SKIL: variants seen among roughly 807,000 people sequenced by gnomAD.
SKIL encodes SKI like proto-oncogene, also known as ski-like protein.
Under a neutral mutation model 69.6 loss-of-function variants are expected in SKIL, and 20 were observed. The observed-to-expected ratio is 0.29, with a 90% CI of 0.20 to 0.42. The LOEUF is 0.42. Among genes scored for constraint, SKIL ranks in the 10% least tolerant of loss-of-function variants. SKIL has a pLI of 1.00. For missense variants in SKIL, 745 were observed against 783.1 expected, an observed-to-expected ratio of 0.95 and a Z score of 0.58; for synonymous variants, 310 against 279.9, an observed-to-expected ratio of 1.11 and a Z score of -1.08.
intron 4 of SKIL, among the ~76,000 whole-genome samples, chr3:170,389,411 T>G (rs1737800696): frequency 6.6e-6 from 1 of 151,564 alleles, no homozygotes; most frequent in South Asian, 2.1e-4. Context: ...CCTCCCAGGT[T>G]CACGCCATTC....
At chr3:170,375,543 A>G (rs1369381396) in intron 2 of SKIL, among the ~76,000 whole-genome samples, 1 of 152,196 alleles carries the variant, frequency 6.6e-6, no homozygotes, top group Non-Finnish European at 1.5e-5. Context: ...AAACTTTGAA[A>G]TATATAAATC....
chr3:170,360,750 G>C lies in SKIL; in HGVS notation c.419G>C (p.Ser140Thr). The stretch of plus-strand genomic sequence containing the variant: ...GGCCCATTGCTCATCCCTTCAGATA[G>C]CTCCACAGAACTCACTCAGACTGTG... Reference protein sequence around the residue: ...LPGPLLIPSDSSTELTQTVLE... With the variant: ...LPGPLLIPSDTSTELTQTVLE... The change falls in exon 2 of 7, where the codon AGC becomes ACC. Residue 140 changes from serine to threonine, a missense_variant. Transcript: ENST00000259119. 1.2e-6 allele frequency: 2 copies of C among 1,614,146 alleles called. No individual in the cohort carries two copies. Among genetic ancestry groups the C allele is most frequent in the Non-Finnish European group, 8.5e-7 (1 of 1,180,012 alleles).
In SKIL at chr3:170,360,907, A is replaced by G; in HGVS notation, c.576A>G (p.Ile192Met). 6.2e-7 allele frequency: 1 copy of G among 1,614,158 alleles called. No homozygotes were observed. The highest frequency in any genetic ancestry group is 8.5e-7 in the Non-Finnish European group (1 of 1,180,002). ...QINTVCDELY[I>M]YCSRCTSDQL... ...ATACAGTGTGTGATGAACTGTACATATATTGTTCAAGGTGTACTTCAGACC... is the reference window on the plus strand; with the variant it reads ...ATACAGTGTGTGATGAACTGTACATGTATTGTTCAAGGTGTACTTCAGACC... The change falls in exon 2 of 7, where the codon ATA (isoleucine) becomes ATG (methionine). Residue 192 changes from isoleucine to methionine, a missense_variant. Transcript: ENST00000259119.
intron 3 of SKIL, among the ~76,000 whole-genome samples, chr3:170,382,413 ATTTTT>A: frequency 8.4e-6 from 1 of 119,110 alleles, no homozygotes; most frequent in Admixed American, 9.0e-5. Flanking sequence ...TGCAACTTTG[ATTTTT>A]TTTTTTTTTT....
chr3:170,382,718 ATTT>A (rs35647654), intron 3 of SKIL, among the ~76,000 whole-genome samples: 3 of 123,072 alleles, frequency 2.4e-5, no homozygotes, highest in African/African-American at 9.4e-5. Context: ...CGCAACTTCA[ATTT>A]TTTTTTTTTT....
intron 6 of SKIL, among the ~76,000 whole-genome samples, chr3:170,391,752 T>C (rs1261416619): frequency 6.6e-6 from 1 of 152,196 alleles, no homozygotes; most frequent in Non-Finnish European, 1.5e-5. Context: ...GTTTGTTGCT[T>C]TTATTAGTTT....
rs868328702 is a variant in SKIL at position 170,360,770 on chromosome 3, A to G, written c.439A>G (p.Thr147Ala). 5 of 1,613,986 alleles carry G rather than the reference A, an allele frequency of 3.1e-6. No homozygotes were observed. The African/African-American group carries it at 6.7e-5, about 22-fold the overall frequency. The change falls in exon 2 of 7, where the codon ACT (threonine) becomes GCT (alanine). Residue 147 changes from threonine to alanine, a missense_variant. By Grantham distance (58) the Thr-to-Ala change is moderately conservative. Transcript: ENST00000259119. ...PSDSSTELTQTVLEGESISCF... is the reference protein window; with the variant it reads ...PSDSSTELTQAVLEGESISCF... ...AGATAGCTCCACAGAACTCACTCAGACTGTGTTGGAAGGGGAATCTATTTC... is the reference window on the plus strand; with the variant it reads ...AGATAGCTCCACAGAACTCACTCAGGCTGTGTTGGAAGGGGAATCTATTTC...
At chr3:170,377,874 GA>G (rs1737111551) in intron 2 of SKIL, among the ~76,000 whole-genome samples, 1 of 145,448 alleles carries the variant, frequency 6.9e-6, no homozygotes, top group Non-Finnish European at 1.5e-5. Context: ...CAAAAATAAA[GA>G]TCTCCCACAT....
At chr3:170,358,026 C>T (rs1736019580) in intron 1 of SKIL, among the ~76,000 whole-genome samples, 1 of 151,920 alleles carries the variant, frequency 6.6e-6, no homozygotes, top group African/African-American at 2.4e-5. Flanking sequence ...CAGGGCAGGG[C>T]GCTGTAGTTG....
chr3:170,382,513 C>T (rs1364051727), intron 3 of SKIL, among the ~76,000 whole-genome samples: 1 of 149,528 alleles, frequency 6.7e-6, no homozygotes, highest in African/African-American at 2.5e-5. Flanking sequence ...CTCCCAGGTT[C>T]AAGCAGTTCT....
At chr3:170,359,345 C>CA (rs1289413607) in intron 1 of SKIL, among the ~76,000 whole-genome samples, 2 of 152,168 alleles carry the variant, frequency 1.3e-5, no homozygotes, top group Non-Finnish European at 2.9e-5. Context: ...CCTGTAATTC[C>CA]AGCACTTTGG....
intron 2 of SKIL, among the ~76,000 whole-genome samples, chr3:170,375,710 G>T (rs547781165): frequency 6.6e-6 from 1 of 151,992 alleles, no homozygotes; most frequent in African/African-American, 2.4e-5. Flanking sequence ...GAGTAGCTGA[G>T]ACTACAGGCA....
In SKIL at chr3:170,389,084, G is replaced by T. The variant is rs1215546671; in HGVS notation, c.1430-1139G>T. On this transcript the variant is annotated intron_variant, in intron 4 of 6. Coordinates refer to ENST00000259119, the MANE Select transcript of SKIL (RefSeq NM_005414.5). ...GACAGAGTTTTACCATGTTGGTCAG[G>T]CTGGTGGTGAACTCCTGACCTCAGG... Among the ~76,000 whole-genome samples the T allele has an allele frequency of 4.6e-5, 7 of 151,816 alleles. No individual in the cohort carries two copies. In the East Asian group the frequency reaches 1.4e-3, roughly 30 times the overall value.
At chr3:170,366,539 G>A (rs1441965507) in intron 2 of SKIL, among the ~76,000 whole-genome samples, 1 of 152,058 alleles carries the variant, frequency 6.6e-6, no homozygotes, top group Non-Finnish European at 1.5e-5. Flanking sequence ...AGTTAGCAGG[G>A]GATGGTGACA....
intron 2 of SKIL, among the ~76,000 whole-genome samples, chr3:170,373,167 T>A (rs923276445): frequency 3.3e-5 from 5 of 151,652 alleles, no homozygotes; most frequent in African/African-American, 9.7e-5. Context: ...CGGCTAATTT[T>A]TTTATTTATT....
chr3:170,360,400 T>A lies in SKIL; in HGVS notation c.69T>A (p.Asp23Glu), dbSNP rs147591580. The part of the protein sequence containing the change: ...GSTKKLNGMG[D>E]DGSPPAKKMI... ...CTAAAAAACTGAATGGGATGGGAGA[T>A]GATGGCAGCCCCCCAGCGAAAAAAA... Residue 23 changes from aspartate (D) to glutamate (E), a missense_variant, in exon 2 of 7, where the codon GAT (aspartate) becomes GAA (glutamate). Physicochemically the swap from Asp to Glu is conservative, Grantham distance 45. Transcript: ENST00000259119. 5 of 1,610,426 alleles carry A rather than the reference T, an allele frequency of 3.1e-6. No individual in the cohort carries two copies. The highest frequency in any genetic ancestry group is 4.2e-6 in the Non-Finnish European group (5 of 1,178,118).
intron 2 of SKIL, among the ~76,000 whole-genome samples, chr3:170,361,682 C>T (rs1736243151): frequency 6.6e-6 from 1 of 151,656 alleles, no homozygotes. Context: ...GAATGAAGCT[C>T]AGAGAGATAA....
At chr3:170,387,778 A>G (rs1449238220) in intron 4 of SKIL, among the ~76,000 whole-genome samples, 2 of 124,074 alleles carry the variant, frequency 1.6e-5, no homozygotes, top group Admixed American at 8.3e-5. Flanking sequence ...AAAAAAATAC[A>G]AAAAAATTAG....
At position 170,392,703 on chromosome 3, in the gene SKIL, CTT is replaced by C. The variant is rs1737988822; in HGVS notation, c.*287_*288del. 1 of 186,786 alleles carries C rather than the reference CTT, an allele frequency of 5.4e-6. No individual in the cohort carries two copies. The highest frequency in any genetic ancestry group is 1.2e-4 in the East Asian group (1 of 8,026). The allele number at this position is 186,786 out of a possible 1,614,324, so 11.6% of individuals were successfully genotyped here. A position where few individuals can be genotyped will look rare whatever the true frequency, so the allele number is the denominator to read the frequency against. On this transcript the variant is annotated 3_prime_UTR_variant, in exon 7 of 7. Coordinates refer to ENST00000259119, the MANE Select transcript of SKIL (RefSeq NM_005414.5). ...AATCTGCTTATATTTCTAATGCAAA[CTT>C]AACAATTGTGTACTTTTTAAAAGCT...
Sources: allele counts gnomAD v4.1 joint callset (sites outside exome capture counted in the v4.1 genomes callset), GRCh38; gene constraint gnomAD v4.1.1; transcripts MANE v1.5; gene names NCBI Gene and HGNC (gene_info 2026-07-23, HGNC 2026-07-21).